The following RBM33 variants were observed in gnomAD, a reference collection of about 807,000 sequenced individuals.
RBM33 encodes the protein RNA-binding protein 33.
Under a neutral mutation model 132.6 loss-of-function variants are expected in RBM33, and 28 were observed. The ratio of observed to expected loss-of-function variants is 0.21; its 90% CI spans 0.16 to 0.29. The LOEUF (loss-of-function observed/expected upper bound fraction) is 0.29. RBM33 is among the 10% of genes least tolerant of loss of function. The pLI is 1.00. For missense variants in RBM33, 1,291 were observed against 1,518.5 expected (o/e 0.85, Z 2.49); for synonymous variants, 634 against 593.0 (o/e 1.07, Z -1.01).
Position 155,680,633 on chromosome 7 carries a change from G to C in RBM33, c.292G>C (p.Val98Leu). The C allele has an allele frequency of 3.1e-6, 5 of 1,607,168 alleles. No individual in the cohort carries two copies. The highest frequency in any genetic ancestry group is 4.2e-6 in the Non-Finnish European group (5 of 1,177,408). The part of the protein sequence containing the change: ...TISLNATSGM[V>L]TSFELSDNTN... Reference sequence around the variant, plus strand: ...TAGTCTGAATGCTACATCTGGCATGGTTACATCATTTGAACTCTCTGACAA... The same window carrying C: ...TAGTCTGAATGCTACATCTGGCATGCTTACATCATTTGAACTCTCTGACAA... The change falls in exon 5 of 18, where the codon GTT (valine) becomes CTT (leucine). Residue 98 changes from valine (V) to leucine (L), a missense_variant. By Grantham distance (32) the Val-to-Leu change is conservative. This residue lies in a region of RBM33 where 194 missense variants were observed against 249.8 expected (regional missense o/e 0.78). Coordinates refer to ENST00000401878, the MANE Select transcript of RBM33 (RefSeq NM_053043.3).
chr7:155,718,368 A>G lies in RBM33; in HGVS notation c.1202-17A>G. ...TTGAGTAAAGTGTGTCTCTAACACA[A>G]GGGGTTTTTCTTGCAGTGCCCTTGC... On this transcript the variant is annotated splice_polypyrimidine_tract_variant and intron_variant, in intron 8 of 17. Transcript: ENST00000401878. The G allele has an allele frequency of 6.2e-7, 1 of 1,612,658 alleles. No individual in the cohort carries two copies. Among genetic ancestry groups the G allele is most frequent in the Non-Finnish European group, 8.5e-7 (1 of 1,178,710 alleles).
At chr7:155,726,995 C>T (rs1028228409) in intron 9 of RBM33, among the ~76,000 whole-genome samples, 5 of 152,212 alleles carry the variant, frequency 3.3e-5, no homozygotes, top group African/African-American at 1.2e-4. Context: ...AGCAGTATTT[C>T]TGTCAGCTAC....
At chr7:155,769,638 T>C (rs914135733) in intron 16 of RBM33, among the ~76,000 whole-genome samples, 3 of 152,090 alleles carry the variant, frequency 2.0e-5, no homozygotes, top group African/African-American at 7.2e-5. Context: ...GACTGACTGA[T>C]TCTGCTTCTG....
chr7:155,645,075 G>C, intron 1 of RBM33, 156 bp downstream of exon 1: 1 of 533,596 alleles, frequency 1.9e-6, no homozygotes, highest in Non-Finnish European at 3.2e-6. Flanking sequence ...GCCTTCCCTC[G>C]CTATTGTCAT....
In RBM33 at chr7:155,645,887, A is replaced by G. The variant is rs186781333; in HGVS notation, c.43+968A>G. Among the ~76,000 whole-genome samples the G allele has an allele frequency of 1.2e-4, 19 of 152,348 alleles. No homozygotes were observed. The East Asian group carries it at 3.7e-3, about 29-fold the overall frequency. The stretch of plus-strand genomic sequence containing the variant: ...CATCCTGTTTAGGAATTTTGGCCCA[A>G]CTGTCAAAACGTTTGCCTGACAAAA... On this transcript the variant is annotated intron_variant, in intron 1 of 17. Transcript: ENST00000401878.
At chr7:155,668,991 ATTG>A (rs1465571511) in intron 2 of RBM33, among the ~76,000 whole-genome samples, 1 of 151,784 alleles carries the variant, frequency 6.6e-6, no homozygotes, top group Non-Finnish European at 1.5e-5. Flanking sequence ...TCTAGGTTTT[ATTG>A]TTTACCGTAT....
intron 1 of RBM33, among the ~76,000 whole-genome samples, chr7:155,647,523 T>C (rs770468975): frequency 2.6e-5 from 4 of 152,278 alleles, no homozygotes; most frequent in Admixed American, 6.5e-5. Flanking sequence ...CTTGGACTCC[T>C]GGGCTCAGTT....
In RBM33 at chr7:155,759,621, G is replaced by T. The variant is rs894305672; in HGVS notation, c.2980-4191G>T. On this transcript the variant is annotated intron_variant, in intron 14 of 17. Coordinates refer to ENST00000401878, the MANE Select transcript of RBM33 (RefSeq NM_053043.3). Reference sequence around the variant, plus strand: ...TTTTTAGTAGAGACGGGGTTTCACCGTGTTAGCCAGGATGGTCTCGATCTC... The same window carrying T: ...TTTTTAGTAGAGACGGGGTTTCACCTTGTTAGCCAGGATGGTCTCGATCTC... 3.3e-5 allele frequency among the ~76,000 whole-genome samples: 5 copies of T among 151,960 alleles called. No homozygotes were observed. The East Asian group carries it at 9.7e-4, about 29-fold the overall frequency.
intron 2 of RBM33, among the ~76,000 whole-genome samples, chr7:155,667,199 T>A (rs1379629345): frequency 6.6e-6 from 1 of 152,190 alleles, no homozygotes; most frequent in Non-Finnish European, 1.5e-5. Context: ...TATATAAATA[T>A]TGTATAATTT....
intron 9 of RBM33, among the ~76,000 whole-genome samples, chr7:155,734,092 G>C (rs1420835776): frequency 1.3e-5 from 2 of 152,212 alleles, no homozygotes; most frequent in Non-Finnish European, 2.9e-5. Flanking sequence ...GTGCCAGCCA[G>C]ATTTACCAGT....
chr7:155,673,940 G>GTTGTTGTTTGTGTTT, intron 3 of RBM33, among the ~76,000 whole-genome samples: 1 of 54,214 alleles, frequency 1.8e-5, no homozygotes, highest in Non-Finnish European at 3.2e-5. Context: ...TTTAGGCTTA[G>GTTGTTGTTTGTGTTT]TTTTTTTTTT....
intron 3 of RBM33, among the ~76,000 whole-genome samples, chr7:155,673,565 C>CGT (rs1554469734): frequency 1.4e-4 from 11 of 77,032 alleles, no homozygotes; most frequent in African/African-American, 7.5e-4. Flanking sequence ...TATATACACA[C>CGT]ATATACATAC....
At chr7:155,680,193 C>T (rs1427557301) in intron 4 of RBM33, among the ~76,000 whole-genome samples, 2 of 152,142 alleles carry the variant, frequency 1.3e-5, no homozygotes, top group Admixed American at 6.5e-5. Context: ...GAACTCTTAG[C>T]AGTTTCTGTC....
Position 155,722,596 on chromosome 7 carries a change from C to T in RBM33, c.1260+4153C>T, listed in dbSNP as rs1362494721. Among the ~76,000 whole-genome samples, 49 of 152,146 alleles carry T rather than the reference C, an allele frequency of 3.2e-4. 1 individual carries two copies. The highest frequency in any genetic ancestry group is 2.2e-4 in the Non-Finnish European group (15 of 67,998). On this transcript the variant is annotated intron_variant, in intron 9 of 17. Coordinates refer to ENST00000401878, the MANE Select transcript of RBM33 (RefSeq NM_053043.3). ...TTATCTTATCCATAAAGTATATTTT[C>T]TAGTCATGTATTTGTCCTCAGAGAG...
chr7:155,693,685 C>G (rs1183712953), intron 5 of RBM33, among the ~76,000 whole-genome samples: 1 of 150,262 alleles, frequency 6.7e-6, no homozygotes, highest in Non-Finnish European at 1.5e-5. Flanking sequence ...TTCCTGGAGG[C>G]TGGTGATGTG....
chr7:155,680,084 A>G (rs1799296105), intron 4 of RBM33, among the ~76,000 whole-genome samples: 1 of 152,224 alleles, frequency 6.6e-6, no homozygotes, highest in Non-Finnish European at 1.5e-5. Flanking sequence ...TTTCTTAAAC[A>G]GGAGTTTATA....
chr7:155,720,597 G>A (rs1012854568), intron 9 of RBM33, among the ~76,000 whole-genome samples: 3 of 152,156 alleles, frequency 2.0e-5, no homozygotes, highest in Non-Finnish European at 4.4e-5. Context: ...TTTATGTCAA[G>A]TGCTCTGCAT....
chr7:155,645,843 C>T (rs1351152294), intron 1 of RBM33, among the ~76,000 whole-genome samples: 1 of 152,188 alleles, frequency 6.6e-6, no homozygotes, highest in African/African-American at 2.4e-5. Context: ...TAAATGCTAG[C>T]AGATGGTTAC....
intron 9 of RBM33, among the ~76,000 whole-genome samples, chr7:155,729,432 T>C (rs1343750): frequency 0.24 from 36,694 of 152,040 alleles, 4,709 homozygotes; most frequent in African/African-American, 0.33. Context: ...ATAGTTAGAA[T>C]ACAAGTTAAA....
Sources: gnomAD v4.1 joint callset for allele counts (sites outside exome capture counted in the v4.1 genomes callset) on GRCh38, gnomAD v4.1.1 for gene constraint, gnomAD v4.1.1 regional missense constraint, MANE v1.5 for transcripts, NCBI Gene and HGNC (gene_info 2026-07-23, HGNC 2026-07-21) for gene names.